The following MYH11 variants were observed in gnomAD, a reference collection of about 807,000 sequenced individuals.
MYH11 encodes the protein myosin-11.
MYH11 carries 80 observed loss-of-function variants against 246.6 expected under a neutral mutation model. The observed-to-expected ratio is 0.32, with a 90% CI of 0.27 to 0.39. The LOEUF is 0.39. MYH11 is among the 10% of genes least tolerant of loss of function. MYH11 has a pLI of 1.00. For missense variants in MYH11, 2,158 were observed against 2,546.8 expected, an observed-to-expected ratio of 0.85 and a Z score of 3.29; for synonymous variants, 1,071 against 1,015.5, an observed-to-expected ratio of 1.05 and a Z score of -1.04.
chr16:15,741,144 C>G (rs2041260571), intron 22 of MYH11: 1 of 503,018 alleles, frequency 2.0e-6, no homozygotes, highest in Admixed American at 3.2e-5. Flanking sequence ...CTATGCAATA[C>G]TTTTTATTTT....
chr16:15,734,575 A>G (rs76320617), intron 26 of MYH11, among the ~76,000 whole-genome samples: 5,005 of 152,320 alleles, frequency 0.033, 114 homozygotes, highest in South Asian at 0.069. Flanking sequence ...TGCTGAGATT[A>G]TAGGCGTGAG....
In MYH11 at chr16:15,705,984, C is replaced by CAAAAAAAAAAAAAAAA. The variant is rs57451847; in HGVS notation, c.5787-1877_5787-1862dup. On this transcript the variant is annotated intron_variant, in intron 40 of 40. Transcript: ENST00000300036. ...TAGGCGACAGGGTGAGACTCCGTCT[C>CAAAAAAAAAAAAAAAA]AAAAAAAAAAAAAAAAAAAAATCAA... Among the ~76,000 whole-genome samples the CAAAAAAAAAAAAAAAA allele has an allele frequency of 8.4e-3, 477 of 56,744 alleles. 106 individuals carry two copies. The highest frequency in any genetic ancestry group is 0.048 in the African/African-American group (431 of 8,894). The allele number at this position is 56,744 out of a possible 152,430, so 37.2% of individuals were successfully genotyped here.
chr16:15,801,811 G>C lies in MYH11; in HGVS notation c.503-3124C>G, dbSNP rs534656607. On this transcript the variant is annotated intron_variant, in intron 3 of 40. Coordinates refer to ENST00000300036, the MANE Select transcript of MYH11 (RefSeq NM_002474.3). The stretch of plus-strand genomic sequence containing the variant: ...GTCTCTACTAAAAATACAAAAATTA[G>C]CTGGGCATGGTAGCATGCACCTGTA... 6.6e-5 allele frequency among the ~76,000 whole-genome samples: 10 copies of C among 152,138 alleles called. No individual in the cohort carries two copies. The East Asian group carries it at 1.9e-3, about 29-fold the overall frequency.
intron 36 of MYH11, 85 bp downstream of exon 36, chr16:15,719,135 T>C: frequency 7.1e-7 from 1 of 1,405,056 alleles, no homozygotes; most frequent in Non-Finnish European, 9.9e-7. Flanking sequence ...CTCGAAAAAA[T>C]TTAAAAAATA....
chr16:15,767,568 C>A (rs922878656), intron 9 of MYH11, among the ~76,000 whole-genome samples: 2 of 151,888 alleles, frequency 1.3e-5, no homozygotes, highest in Non-Finnish European at 2.9e-5. Context: ...GCTATCCTCC[C>A]GCCTCTGCCT....
intron 12 of MYH11, among the ~76,000 whole-genome samples, chr16:15,758,823 G>A (rs998392350): frequency 1.3e-5 from 2 of 151,410 alleles, no homozygotes; most frequent in African/African-American, 4.9e-5. Context: ...AATTAGCTGG[G>A]CACAGTGGTA....
In MYH11 at chr16:15,838,286, CAG is replaced by C; in HGVS notation, c.-17-19_-17-18del. 1 of 1,606,254 alleles carries C rather than the reference CAG, an allele frequency of 6.2e-7. No homozygotes were observed. On this transcript the variant is annotated intron_variant, in intron 1 of 40. Transcript: ENST00000300036. ...GTTGGTCCCCTGTGGAATAAGGTAA[CAG>C]GGTCAGAATCAGACCACAACCAAGC...
chr16:15,789,492 A>T lies in MYH11; in HGVS notation c.531-2760T>A, dbSNP rs114296867. 4.8e-3 allele frequency among the ~76,000 whole-genome samples: 726 copies of T among 152,286 alleles called. 4 individuals are homozygous for T. Among genetic ancestry groups the T allele is most frequent in the African/African-American group, 0.017 (703 of 41,558 alleles). ...GCTCCTGCTTTCACACAGATAGGAA[A>T]TGGAGGAGAAGCAGGATTTGAACGT... On this transcript the variant is annotated intron_variant, in intron 4 of 40. Transcript: ENST00000300036.
chr16:15,716,511 T>G (rs2040152986), intron 38 of MYH11, among the ~76,000 whole-genome samples: 1 of 151,900 alleles, frequency 6.6e-6, no homozygotes, highest in Non-Finnish European at 1.5e-5. Flanking sequence ...TTTTGTTTTT[T>G]GGGGTTTTTT....
chr16:15,815,729 C>T (rs2043247187), intron 3 of MYH11, among the ~76,000 whole-genome samples: 1 of 152,120 alleles, frequency 6.6e-6, no homozygotes, highest in African/African-American at 2.4e-5. Flanking sequence ...GTCCCATCAT[C>T]CTGAATAGGG....
At chr16:15,806,470 T>C (rs2043017567) in intron 3 of MYH11, among the ~76,000 whole-genome samples, 2 of 151,902 alleles carry the variant, frequency 1.3e-5, no homozygotes, top group African/African-American at 4.8e-5. Flanking sequence ...CAAGATTTCT[T>C]TGGGGGATGA....
At chr16:15,810,554 C>A (rs941282162) in intron 3 of MYH11, among the ~76,000 whole-genome samples, 1 of 152,168 alleles carries the variant, frequency 6.6e-6, no homozygotes, top group African/African-American at 2.4e-5. Flanking sequence ...CCCAACCGGG[C>A]CAGACACATA....
intron 28 of MYH11, chr16:15,725,544 C>G (rs2040711240): frequency 2.4e-6 from 1 of 414,258 alleles, no homozygotes; most frequent in Admixed American, 3.9e-5. Flanking sequence ...TCCCTAGTGT[C>G]TCTGCATAAG....
chr16:15,724,784 C>A lies in MYH11; in HGVS notation c.3979G>T (p.Glu1327Ter). The stretch of plus-strand genomic sequence containing the variant: ...GACACGTTGAGCTTCTGCCGGGTTT[C>A]TTCTTGAAGCAGCTCCTGCAAAAGG... ...LQDTQELLQE[E>*]TRQKLNVSTK... The change falls in exon 30 of 41, where the codon GAA (glutamate) becomes TAA (stop). Residue 1327 changes from glutamate to a stop codon, truncating the protein, a stop_gained. Transcript: ENST00000300036. LOFTEE classifies it high-confidence loss of function. The A allele has an allele frequency of 1.9e-6, 3 of 1,614,000 alleles. No homozygotes were observed. The highest frequency in any genetic ancestry group is 2.5e-6 in the Non-Finnish European group (3 of 1,180,026).
chr16:15,754,376 G>GT (rs2041657722), intron 14 of MYH11, among the ~76,000 whole-genome samples: 1 of 152,098 alleles, frequency 6.6e-6, no homozygotes, highest in Non-Finnish European at 1.5e-5. Flanking sequence ...GCCCAAAGCC[G>GT]TAATTTTTAC....
At chr16:15,793,615 CTTTTTTTTTT>C (rs572455483) in intron 4 of MYH11, among the ~76,000 whole-genome samples, 2 of 93,820 alleles carry the variant, frequency 2.1e-5, no homozygotes, top group African/African-American at 5.2e-5. Flanking sequence ...CTTTTCTTTT[CTTTTTTTTTT>C]TTTTTTTTTT....
At chr16:15,827,034 TGATGGA>T in intron 2 of MYH11, among the ~76,000 whole-genome samples, 2 of 148,264 alleles carry the variant, frequency 1.3e-5, no homozygotes, top group South Asian at 4.3e-4. Context: ...GAAACAGGAT[TGATGGA>T]GACGGAGGTT....
At chr16:15,704,180 A>AT (rs1226119806) in intron 40 of MYH11, 57 bp from the exon 41 acceptor site, 40 of 1,603,026 alleles carry the variant, frequency 2.5e-5, no homozygotes, top group Non-Finnish European at 3.0e-5. Flanking sequence ...GTTGGGATAG[A>AT]TTTTTTATAA....
intron 6 of MYH11, among the ~76,000 whole-genome samples, chr16:15,781,288 A>G (rs1252162598): frequency 1.3e-5 from 2 of 152,200 alleles, no homozygotes; most frequent in Non-Finnish European, 2.9e-5. Flanking sequence ...ATGTGTATTC[A>G]TCTAATACGT....
Sources: allele counts gnomAD v4.1 joint callset (sites outside exome capture counted in the v4.1 genomes callset), GRCh38; gene constraint gnomAD v4.1.1; transcripts MANE v1.5; gene names NCBI Gene and HGNC (gene_info 2026-07-23, HGNC 2026-07-21).